MYO7A: variants seen among roughly 807,000 people sequenced by gnomAD.
MYO7A encodes unconventional myosin-VIIa.
In MYO7A, 210 loss-of-function variants were observed where a neutral mutation model predicts 263.8. The ratio of observed to expected loss-of-function variants is 0.80; its 90% CI spans 0.71 to 0.89. The LOEUF (loss-of-function observed/expected upper bound fraction) is 0.89, where lower values mean the gene tolerates loss of function less well. Ranked by LOEUF, MYO7A falls within the 40% of genes least tolerant of loss-of-function variation. MYO7A has a pLI of 0.00. For synonymous variants in MYO7A, 1,239 were observed against 1,197.3 expected (o/e 1.03, Z -0.72); for missense variants, 2,820 against 2,968.3 (o/e 0.95, Z 1.16).
In MYO7A at chr11:77,158,390, C is replaced by T. The variant is rs1952691774; in HGVS notation, c.963C>T (p.Leu321=). The change falls in exon 9 of 49, where the codon CTC becomes CTT. Residue 321 remains leucine (L), a synonymous_variant. Transcript: ENST00000409709. ...TDTENWEISK[L]LAAILHLGNL... Reference sequence around the variant, plus strand: ...CCGAGAACTGGGAGATCTCGAAGCTCCTGGCTGCCATCCTGCACCTGGGCA... The same window carrying T: ...CCGAGAACTGGGAGATCTCGAAGCTTCTGGCTGCCATCCTGCACCTGGGCA... 5.0e-6 allele frequency: 8 copies of T among 1,613,012 alleles called. No homozygotes were observed. The highest frequency in any genetic ancestry group is 5.9e-6 in the Non-Finnish European group (7 of 1,179,788).
At chr11:77,130,385 G>A (rs1950733860) in intron 1 of MYO7A, among the ~76,000 whole-genome samples, 1 of 152,246 alleles carries the variant, frequency 6.6e-6, no homozygotes, top group African/African-American at 2.4e-5. Context: ...GAAGAATTCA[G>A]CTGCTCTGGG....
Position 77,171,212 on chromosome 11 carries a change from C to T in MYO7A, c.1798-1536C>T, listed in dbSNP as rs114393868. 3.2e-3 allele frequency among the ~76,000 whole-genome samples: 491 copies of T among 152,218 alleles called. 3 individuals carry two copies. The highest frequency in any genetic ancestry group is 0.011 in the African/African-American group (468 of 41,536). On this transcript the variant is annotated intron_variant, in intron 15 of 48. Coordinates refer to ENST00000409709, the MANE Select transcript of MYO7A (RefSeq NM_000260.4). ...GGTGGTATGCGTGTGCTCCTAGTGGCGTGTGTATGTGCATGCTGAGGTTGT... is the reference window on the plus strand; with the variant it reads ...GGTGGTATGCGTGTGCTCCTAGTGGTGTGTGTATGTGCATGCTGAGGTTGT...
In MYO7A at chr11:77,194,495, G is replaced by T; in HGVS notation, c.4294G>T (p.Ala1432Ser). The T allele has an allele frequency of 6.2e-7, 1 of 1,606,074 alleles. No individual in the cohort carries two copies. Among genetic ancestry groups the T allele is most frequent in the East Asian group, 2.2e-5 (1 of 44,542 alleles). Residue 1432 changes from alanine (A) to serine (S), a missense_variant, in exon 32 of 49, where the codon GCC becomes TCC. Physicochemically the swap from Ala to Ser is moderately conservative, Grantham distance 99. Coordinates refer to ENST00000409709, the MANE Select transcript of MYO7A (RefSeq NM_000260.4). ...ITPLKTLEKWAQLAIAAHKKG... is the reference protein window; with the variant it reads ...ITPLKTLEKWSQLAIAAHKKG... Reference sequence around the variant, plus strand: ...GCCCCTGAAGACGCTGGAGAAGTGGGCCCAGCTGGCCATCGCCGCCCACAA... The same window carrying T: ...GCCCCTGAAGACGCTGGAGAAGTGGTCCCAGCTGGCCATCGCCGCCCACAA...
At chr11:77,194,030 A>C in intron 31 of MYO7A, 1 of 544,766 alleles carries the variant, frequency 1.8e-6, no homozygotes, top group South Asian at 1.5e-5. Context: ...GCTGTCTCAC[A>C]GGGCTGAGTG....
Position 77,161,035 on chromosome 11 carries a change from T to A in MYO7A, c.1263T>A (p.Pro421=). 2 of 1,613,600 alleles carry A rather than the reference T, an allele frequency of 1.2e-6. No homozygotes were observed. Among genetic ancestry groups the A allele is most frequent in the African/African-American group, 2.7e-5 (2 of 74,960 alleles). The change falls in exon 12 of 49, where the codon CCT becomes CCA. Residue 421 remains proline (P), a synonymous_variant. Coordinates refer to ENST00000409709, the MANE Select transcript of MYO7A (RefSeq NM_000260.4). ...VDKINAAIYK[P]PSQDVKNSRR... Reference sequence around the variant, plus strand: ...AGATCAACGCAGCAATTTACAAGCCTCCCTCCCAGGATGTGAAGAACTCTC... The same window carrying A: ...AGATCAACGCAGCAATTTACAAGCCACCCTCCCAGGATGTGAAGAACTCTC...
At chr11:77,159,548 C>A (rs782080345) in intron 10 of MYO7A, 25 bp downstream of exon 10, 1 of 1,607,130 alleles carries the variant, frequency 6.2e-7, no homozygotes, top group Non-Finnish European at 8.5e-7. Context: ...TCTCTCCCCT[C>A]CATGACTTCT....
intron 10 of MYO7A, among the ~76,000 whole-genome samples, chr11:77,159,899 C>G (rs1555067197): frequency 1.3e-5 from 2 of 152,238 alleles, no homozygotes; most frequent in African/African-American, 4.8e-5. Context: ...ATGAATAAAG[C>G]CAGAGTCAGG....
At chr11:77,164,167 A>C (rs1462390645) in intron 14 of MYO7A, among the ~76,000 whole-genome samples, 1 of 152,190 alleles carries the variant, frequency 6.6e-6, no homozygotes, top group African/African-American at 2.4e-5. Flanking sequence ...GAAGTTAAGA[A>C]GAGTGGTCAG....
chr11:77,175,420 A>C lies in MYO7A; in HGVS notation c.2143A>C (p.Thr715Pro). The C allele has an allele frequency of 6.2e-7, 1 of 1,613,348 alleles. No individual in the cohort carries two copies. The highest frequency in any genetic ancestry group is 1.7e-5 in the Admixed American group (1 of 60,026). ...GCGCATGGCTGAGGCTGTGCTGGGC[A>C]CCCACGATGACTGGCAGATAGGCAA... ...CQRMAEAVLG[T>P]HDDWQIGKTK... Residue 715 changes from threonine (T) to proline (P), a missense_variant, in exon 18 of 49, where the codon ACC becomes CCC. Transcript: ENST00000409709.
chr11:77,172,918 C>T (rs554609706), intron 16 of MYO7A, 33 bp downstream of exon 16: 61 of 1,532,556 alleles, frequency 4.0e-5, no homozygotes, highest in South Asian at 2.8e-4. Context: ...TGGCGGGTGG[C>T]GGCTAGGGTG....
intron 31 of MYO7A, among the ~76,000 whole-genome samples, chr11:77,192,992 GTAGTGATGCTGT>G (rs1956268500): frequency 7.8e-6 from 1 of 128,996 alleles, no homozygotes; most frequent in Non-Finnish European, 1.6e-5. Context: ...GATGGTGGAG[GTAGTGATGCTGT>G]TGGTGATGGT....
chr11:77,171,249 GTGTGTGTGTGTGTGCA>G (rs1315177083), intron 15 of MYO7A, among the ~76,000 whole-genome samples: 1 of 151,946 alleles, frequency 6.6e-6, no homozygotes, highest in Non-Finnish European at 1.5e-5. Context: ...TGTGTGTTGT[GTGTGTGTGTGTGTGCA>G]TGCGTATGCG....
chr11:77,141,561 C>T (rs966918973), intron 2 of MYO7A, among the ~76,000 whole-genome samples: 44 of 152,140 alleles, frequency 2.9e-4, no homozygotes, highest in African/African-American at 9.9e-4. Flanking sequence ...AGAATAAAAT[C>T]TAAGCTTGTA....
At chr11:77,205,733 G>T in intron 40 of MYO7A, 116 bp downstream of exon 40, 1 of 1,391,214 alleles carries the variant, frequency 7.2e-7, no homozygotes, top group East Asian at 2.4e-5. Flanking sequence ...CCACCCCTGG[G>T]GTACCTCAAC....
At chr11:77,199,855 G>C in intron 35 of MYO7A, 37 bp downstream of exon 35, 3 of 1,538,182 alleles carry the variant, frequency 2.0e-6, no homozygotes, top group South Asian at 2.5e-5. Context: ...TGGCACTGGG[G>C]GTCAGGGTGT....
chr11:77,190,719 T>C lies in MYO7A; in HGVS notation c.3773T>C (p.Ile1258Thr). The C allele has an allele frequency of 6.3e-7, 1 of 1,597,224 alleles. No homozygotes were observed. The highest frequency in any genetic ancestry group is 8.5e-7 in the Non-Finnish European group (1 of 1,172,442). ...CAGGCCACCAAGTCCAAGAAGCCAA[T>C]CATGTTGCCCGTGACATTCATGGAT... ...ELQATKSKKP[I>T]MLPVTFMDGT... Residue 1258 changes from isoleucine (I) to threonine (T), a missense_variant, in exon 30 of 49, where the codon ATC (isoleucine) becomes ACC (threonine). Transcript: ENST00000409709.
intron 3 of MYO7A, among the ~76,000 whole-genome samples, chr11:77,143,515 A>G (rs1951353641): frequency 1.3e-5 from 2 of 152,116 alleles, no homozygotes; most frequent in Non-Finnish European, 2.9e-5. Flanking sequence ...AGGGAAGGAG[A>G]GGTCTGAAGT....
chr11:77,198,910 A>G (rs1349550290), intron 34 of MYO7A, among the ~76,000 whole-genome samples: 1 of 152,246 alleles, frequency 6.6e-6, no homozygotes, highest in Non-Finnish European at 1.5e-5. Context: ...GGGACTGAGT[A>G]GCACTCACTC....
At chr11:77,196,736 T>C (rs1956695118) in intron 32 of MYO7A, among the ~76,000 whole-genome samples, 1 of 146,456 alleles carries the variant, frequency 6.8e-6, no homozygotes, top group Non-Finnish European at 1.5e-5. Context: ...TGGGCTCTCA[T>C]GGGTGGAGAT....
Sources: allele counts gnomAD v4.1 joint callset (sites outside exome capture counted in the v4.1 genomes callset), GRCh38; gene constraint gnomAD v4.1.1; transcripts MANE v1.5; gene names NCBI Gene and HGNC (gene_info 2026-07-23, HGNC 2026-07-21).